CHD8: variants seen among roughly 807,000 people sequenced by gnomAD.
The protein encoded by CHD8 is ATP-dependent chromatin remodeler CHD8.
CHD8 carries 31 observed loss-of-function variants against 279.2 expected under a neutral mutation model. The ratio of observed to expected loss-of-function variants is 0.11; its 90% CI spans 0.08 to 0.15. The LOEUF is 0.15. CHD8 is among the 10% of genes least tolerant of loss of function. The pLI, the probability that CHD8 is intolerant of heterozygous loss-of-function variation, is 1.00. For synonymous variants in CHD8, 1,081 were observed against 1,139.6 expected, an observed-to-expected ratio of 0.95 and a Z score of 1.04; for missense variants, 2,146 against 3,230.5, an observed-to-expected ratio of 0.66 and a Z score of 8.14.
intron 1 of CHD8, among the ~76,000 whole-genome samples, chr14:21,446,317 CTTTTT>C (rs71112587): frequency 7.3e-6 from 1 of 137,540 alleles, no homozygotes. Context: ...TCTTCTTCTT[CTTTTT>C]TTTTTTTTTT....
At chr14:21,417,867 T>C (rs957749623) in intron 5 of CHD8, among the ~76,000 whole-genome samples, 1 of 122,830 alleles carries the variant, frequency 8.1e-6, no homozygotes. Flanking sequence ...AAAAAAAAAA[T>C]ATATATATAT....
intron 37 of CHD8, chr14:21,386,420 C>T: frequency 1.8e-6 from 1 of 551,120 alleles, no homozygotes; most frequent in Non-Finnish European, 3.2e-6. Flanking sequence ...CTCATATTAA[C>T]CAGTTTTTGC....
chr14:21,404,155 T>C (rs1295842677), intron 16 of CHD8, among the ~76,000 whole-genome samples: 3 of 151,372 alleles, frequency 2.0e-5, no homozygotes, highest in Non-Finnish European at 4.4e-5. Context: ...CCCAGCACTT[T>C]GGGAGACCGA....
intron 37 of CHD8, among the ~76,000 whole-genome samples, chr14:21,390,195 C>CA (rs1887463079): frequency 1.3e-5 from 2 of 152,120 alleles, no homozygotes; most frequent in African/African-American, 4.8e-5. Context: ...GAGATGGTGC[C>CA]ACTGCACTCC....
Position 21,400,341 on chromosome 14 carries a change from A to G in CHD8, c.4571-34T>C. 6.2e-7 allele frequency: 1 copy of G among 1,611,696 alleles called. No homozygotes were observed. The highest frequency in any genetic ancestry group is 1.1e-5 in the South Asian group (1 of 90,660). On this transcript the variant is annotated intron_variant, in intron 23 of 37. Transcript: ENST00000646647. The surrounding 1 kb of genome is among the most constrained non-coding windows in gnomAD (Gnocchi z 4.2). ...GGGGAGACATCAAAGACTTGGATTG[A>G]GAAAAACCCTTGGACCTGAAAAGGA... is the stretch of plus-strand genomic sequence containing the variant.
At chr14:21,448,848 C>A (rs1025623401) in intron 1 of CHD8, among the ~76,000 whole-genome samples, 17 of 146,072 alleles carry the variant, frequency 1.2e-4, no homozygotes, top group Non-Finnish European at 2.4e-4. Flanking sequence ...CAGGCGTGAG[C>A]CACCGCGCCT....
At chr14:21,441,659 C>A (rs2149748) in intron 1 of CHD8, among the ~76,000 whole-genome samples, 2 of 151,818 alleles carry the variant, frequency 1.3e-5, no homozygotes, top group Admixed American at 6.6e-5. Context: ...GAGGCCAAGG[C>A]GGGCATATCA....
In CHD8 at chr14:21,395,812, C is replaced by T; in HGVS notation, c.5127+5G>A. 3 of 1,568,662 alleles carry T rather than the reference C, an allele frequency of 1.9e-6. No homozygotes were observed. On this transcript the variant is annotated splice_donor_5th_base_variant and intron_variant, in intron 28 of 37. Coordinates refer to ENST00000646647, the MANE Select transcript of CHD8 (RefSeq NM_001170629.2). The stretch of plus-strand genomic sequence containing the variant: ...AAAAGTGAGACTCAAATGAGAATTC[C>T]TTACCTCATCATCTTGGTCCTTTGG...
intron 1 of CHD8, among the ~76,000 whole-genome samples, chr14:21,452,852 T>G (rs538530259): frequency 7.3e-5 from 11 of 150,498 alleles, no homozygotes; most frequent in African/African-American, 2.7e-4. Context: ...GGCATGGTGG[T>G]GCGCGCCTGT....
At chr14:21,444,865 A>G (rs939891794) in intron 1 of CHD8, among the ~76,000 whole-genome samples, 20 of 152,182 alleles carry the variant, frequency 1.3e-4, no homozygotes, top group Admixed American at 9.2e-4. Flanking sequence ...AATAAATTAT[A>G]TGCTTATGTC....
intron 13 of CHD8, 63 bp from the exon 14 acceptor site, chr14:21,407,095 G>A: frequency 1.5e-6 from 2 of 1,361,040 alleles, no homozygotes; most frequent in Non-Finnish European, 2.0e-6. Flanking sequence ...GAGCTTTTCT[G>A]AATTACTTGC....
In CHD8 at chr14:21,402,200, A is replaced by G. The variant is rs1275903708; in HGVS notation, c.3883-64T>C. ...GAATAATATCTAACCATGCCATAAT[A>G]TTTTAGCTATTATATTTTAAGAAAT... On this transcript the variant is annotated intron_variant, in intron 19 of 37. Transcript: ENST00000646647. The surrounding 1 kb of genome is among the most constrained non-coding windows in gnomAD (Gnocchi z 4.5). 3.7e-5 allele frequency: 54 copies of G among 1,454,438 alleles called. No homozygotes were observed. The highest frequency in any genetic ancestry group is 4.7e-6 in the Non-Finnish European group (5 of 1,067,002). 90.1% of individuals were successfully genotyped at this position (1,454,438 alleles called of 1,614,324 possible). A position where few individuals can be genotyped will look rare whatever the true frequency, so the allele number is the denominator to read the frequency against.
intron 1 of CHD8, chr14:21,437,262 G>C: frequency 8.6e-7 from 1 of 1,166,168 alleles, no homozygotes; most frequent in Non-Finnish European, 1.1e-6. Flanking sequence ...CCCTCCTCCT[G>C]CGCAACCTAA....
intron 1 of CHD8, among the ~76,000 whole-genome samples, chr14:21,455,349 A>C (rs1339246343): frequency 6.6e-6 from 1 of 152,218 alleles, no homozygotes; most frequent in Non-Finnish European, 1.5e-5. Flanking sequence ...AATAAACTGC[A>C]TTCGTTCCAA....
chr14:21,395,275 T>A, intron 29 of CHD8, 23 bp downstream of exon 29: 1 of 1,586,674 alleles, frequency 6.3e-7, no homozygotes. Context: ...CACAGAATTA[T>A]ACTAGTTGAC....
intron 1 of CHD8, among the ~76,000 whole-genome samples, chr14:21,452,046 T>C (rs747527134): frequency 2.6e-5 from 4 of 152,076 alleles, no homozygotes; most frequent in Admixed American, 6.5e-5. Flanking sequence ...CAGTAAATGT[T>C]TTGTTGTTGT....
intron 1 of CHD8, among the ~76,000 whole-genome samples, chr14:21,450,202 A>G (rs1299527053): frequency 6.6e-6 from 1 of 152,244 alleles, no homozygotes; most frequent in African/African-American, 2.4e-5. Flanking sequence ...TTACTTAGAT[A>G]GATGTATATC....
At chr14:21,446,891 T>C (rs1259581974) in intron 1 of CHD8, among the ~76,000 whole-genome samples, 1 of 152,224 alleles carries the variant, frequency 6.6e-6, no homozygotes, top group Non-Finnish European at 1.5e-5. Context: ...GTTTGATGTC[T>C]ACTCTCTCTC....
rs1889447281 is a variant in CHD8, at chr14:21,428,999, G to A, written c.1180C>T (p.Leu394Phe). Residue 394 changes from leucine (L) to phenylalanine (F), a missense_variant, in exon 3 of 38, where the codon CTT becomes TTT. Leu to Phe is a conservative substitution (Grantham distance 22). Transcript: ENST00000646647. ...AGTACCACCTTGACTGGTACTGAAA[G>A]TCTTTGTCCTGGGCTTTGTCCTGGT... ...MGPGQSPGQRLSVPVKVVLQP... is the reference protein window; with the variant it reads ...MGPGQSPGQRFSVPVKVVLQP... 1 of 1,613,982 alleles carries A rather than the reference G, an allele frequency of 6.2e-7. No individual in the cohort carries two copies. Among genetic ancestry groups the A allele is most frequent in the East Asian group, 2.2e-5 (1 of 44,888 alleles).
Sources: gnomAD v4.1 joint callset for allele counts (sites outside exome capture counted in the v4.1 genomes callset) on GRCh38, gnomAD v4.1.1 for gene constraint, Gnocchi (gnomAD v3.1) non-coding constraint, MANE v1.5 for transcripts, NCBI Gene and HGNC (gene_info 2026-07-23, HGNC 2026-07-21) for gene names.